Variants in DIP2C observed in about 807,000 individuals in gnomAD.
DIP2C encodes the protein disco-interacting protein 2 homolog C.
In DIP2C, 33 loss-of-function variants were observed where a neutral mutation model predicts 192.4. The ratio of observed to expected loss-of-function variants is 0.17; its 90% CI spans 0.13 to 0.23. The LOEUF (loss-of-function observed/expected upper bound fraction) is 0.23, where lower values mean the gene tolerates loss of function less well. DIP2C is among the 10% of genes least tolerant of loss of function. The pLI, the probability that DIP2C is intolerant of heterozygous loss-of-function variation, is 1.00. For missense variants in DIP2C, 1,537 were observed against 2,110.1 expected (o/e 0.73, Z 5.32); for synonymous variants, 979 against 864.1 (o/e 1.13, Z -2.33).
intron 1 of DIP2C, among the ~76,000 whole-genome samples, chr10:578,639 G>T (rs975861844): frequency 6.6e-6 from 1 of 152,188 alleles, no homozygotes; most frequent in Non-Finnish European, 1.5e-5. Flanking sequence ...CTAACGAGAT[G>T]GTGTGTTCCG....
chr10:377,917 T>C (rs887367400), intron 17 of DIP2C, among the ~76,000 whole-genome samples: 3 of 152,230 alleles, frequency 2.0e-5, no homozygotes, highest in Non-Finnish European at 4.4e-5. Context: ...TAGTACTTTG[T>C]AGTTACAAAG....
At chr10:476,061 T>C (rs1843008636) in intron 2 of DIP2C, among the ~76,000 whole-genome samples, 1 of 152,172 alleles carries the variant, frequency 6.6e-6, no homozygotes. Context: ...CTCAGGAGCA[T>C]CACAGGAAGA....
chr10:553,343 A>G (rs112328377), intron 1 of DIP2C, among the ~76,000 whole-genome samples: 2 of 152,292 alleles, frequency 1.3e-5, no homozygotes, highest in Non-Finnish European at 2.9e-5. Context: ...GTCACTCAAG[A>G]AGGATTTGCA....
intron 5 of DIP2C, among the ~76,000 whole-genome samples, chr10:420,080 C>T (rs1366819021): frequency 2.6e-5 from 4 of 152,208 alleles, no homozygotes; most frequent in African/African-American, 9.6e-5. Flanking sequence ...AGGATCACCC[C>T]GCCACTGTCC....
At chr10:438,301 T>TA (rs1967434832) in intron 4 of DIP2C, among the ~76,000 whole-genome samples, 1 of 152,216 alleles carries the variant, frequency 6.6e-6, no homozygotes, top group Non-Finnish European at 1.5e-5. Flanking sequence ...TCGTTTCTCT[T>TA]ATAAAAAGTG....
intron 33 of DIP2C, among the ~76,000 whole-genome samples, chr10:286,984 C>T (rs1316701468): frequency 6.6e-6 from 1 of 152,192 alleles, no homozygotes; most frequent in East Asian, 1.9e-4. Context: ...TGCAGGTTTT[C>T]GTTAGAACGT....
chr10:289,994 G>A (rs1029496697), intron 32 of DIP2C, among the ~76,000 whole-genome samples: 45 of 152,324 alleles, frequency 3.0e-4, no homozygotes, highest in Non-Finnish European at 4.7e-4. Context: ...TGTCTTCTCC[G>A]GTTGCTGCAG....
At chr10:515,253 T>C (rs1295464706) in intron 1 of DIP2C, among the ~76,000 whole-genome samples, 1 of 152,190 alleles carries the variant, frequency 6.6e-6, no homozygotes, top group Non-Finnish European at 1.5e-5. Context: ...AGAATAACCA[T>C]AAATGGATAT....
chr10:374,095 CAT>C (rs1961298484), intron 17 of DIP2C, among the ~76,000 whole-genome samples: 1 of 152,164 alleles, frequency 6.6e-6, no homozygotes, highest in Non-Finnish European at 1.5e-5. Flanking sequence ...CAGATCTTTC[CAT>C]GTGTCTGTGT....
Position 460,966 on chromosome 10 carries a change from G to T in DIP2C, c.268+11473C>A, listed in dbSNP as rs7085794. On this transcript the variant is annotated intron_variant, in intron 3 of 36. Transcript: ENST00000280886. ...AGCCAAACTAAGCTTTGTAAGTGAA[G>T]GAGAAATATAATCATTTACAGACAA... Among the ~76,000 whole-genome samples, 62 of 152,162 alleles carry T rather than the reference G, an allele frequency of 4.1e-4. 1 individual carries two copies. The East Asian group carries it at 0.012, about 28-fold the overall frequency.
chr10:484,911 C>T (rs1288402310), intron 2 of DIP2C: 14 of 1,611,634 alleles, frequency 8.7e-6, no homozygotes, highest in Non-Finnish European at 1.2e-5. Context: ...CTTCACTGTG[C>T]TGCAGTCTAC....
At chr10:584,347 A>C (rs905695764) in intron 1 of DIP2C, among the ~76,000 whole-genome samples, 3 of 152,152 alleles carry the variant, frequency 2.0e-5, no homozygotes, top group African/African-American at 7.2e-5. Context: ...TTTTTAGGAA[A>C]TCAGTTGACA....
intron 1 of DIP2C, among the ~76,000 whole-genome samples, chr10:647,620 T>A (rs1056641714): frequency 1.4e-5 from 2 of 141,778 alleles, no homozygotes; most frequent in African/African-American, 5.4e-5. Context: ...CACGTCGACA[T>A]TGGATGGTGG....
chr10:348,904 G>A (rs763219255), intron 25 of DIP2C, 142 bp from the exon 26 acceptor site: 35 of 1,307,310 alleles, frequency 2.7e-5, no homozygotes, highest in East Asian at 9.8e-5. Flanking sequence ...TCATCCTGGC[G>A]GGTTTTGTCA....
At chr10:595,838 G>A (rs1366209529) in intron 1 of DIP2C, among the ~76,000 whole-genome samples, 5 of 152,206 alleles carry the variant, frequency 3.3e-5, no homozygotes, top group East Asian at 1.9e-4. Context: ...AGGGTCAGCC[G>A]CACTTACTAC....
At chr10:682,780 T>C (rs1831179880) in intron 1 of DIP2C, among the ~76,000 whole-genome samples, 1 of 150,968 alleles carries the variant, frequency 6.6e-6, no homozygotes. Context: ...TAGATAAATA[T>C]GTAAAGAATC....
At chr10:395,518 C>A (rs1037113148) in intron 10 of DIP2C, among the ~76,000 whole-genome samples, 1 of 152,220 alleles carries the variant, frequency 6.6e-6, no homozygotes, top group Non-Finnish European at 1.5e-5. Context: ...TGTACTTCAC[C>A]TGTGAAATCA....
chr10:574,535 C>A (rs977744472), intron 1 of DIP2C, among the ~76,000 whole-genome samples: 1 of 148,182 alleles, frequency 6.7e-6, no homozygotes, highest in African/African-American at 2.6e-5. Context: ...TATTAGTGAT[C>A]GTGGTGGGGC....
intron 32 of DIP2C, among the ~76,000 whole-genome samples, 183 bp downstream of exon 32, chr10:309,848 G>T (rs890240004): frequency 6.6e-6 from 1 of 152,046 alleles, no homozygotes; most frequent in African/African-American, 2.4e-5. Context: ...ACCATGCCTG[G>T]CCAGAGTTTT....
Sources: allele counts gnomAD v4.1 joint callset (sites outside exome capture counted in the v4.1 genomes callset), GRCh38; gene constraint gnomAD v4.1.1; transcripts MANE v1.5; gene names NCBI Gene and HGNC (gene_info 2026-07-23, HGNC 2026-07-21).